Variants in NEDD4 observed in about 807,000 individuals in gnomAD.
NEDD4 encodes NEDD4 E3 ubiquitin protein ligase, also known as E3 ubiquitin-protein ligase NEDD4.
NEDD4 carries 99 observed loss-of-function variants against 144.9 expected under a neutral mutation model. That is an observed-to-expected ratio of 0.68 (90% CI 0.58 to 0.81). The LOEUF (loss-of-function observed/expected upper bound fraction) is 0.81. Ranked by LOEUF, NEDD4 falls within the 30% of genes least tolerant of loss-of-function variation. NEDD4 has a pLI of 0.00. For synonymous variants in NEDD4, 318 were observed against 350.6 expected, an observed-to-expected ratio of 0.91 and a Z score of 1.04; for missense variants, 985 against 1,065.9, an observed-to-expected ratio of 0.92 and a Z score of 1.06.
At chr15:55,950,109 T>G (rs562798224) in intron 4 of NEDD4, among the ~76,000 whole-genome samples, 34 of 152,234 alleles carry the variant, frequency 2.2e-4, no homozygotes, top group African/African-American at 8.2e-4. Flanking sequence ...AACCAGACAT[T>G]ATCAAGTCTG....
At position 55,986,042 on chromosome 15, in the gene NEDD4, C is replaced by T. The variant is rs1266595180; in HGVS notation, c.45+7469G>A. Among the ~76,000 whole-genome samples, 3 of 152,148 alleles carry T rather than the reference C, an allele frequency of 2.0e-5. No individual in the cohort carries two copies. The East Asian group carries it at 5.8e-4, about 29-fold the overall frequency. On this transcript the variant is annotated intron_variant, in intron 1 of 28. Coordinates refer to ENST00000435532, the MANE Select transcript of NEDD4 (RefSeq NM_006154.4). The stretch of plus-strand genomic sequence containing the variant: ...CCTCCTTGAAAGGGCTCCCACTGGA[C>T]AAACTGGGACAGTATGAGCAATAAA...
At chr15:55,895,355 G>A (rs1481313726) in intron 5 of NEDD4, among the ~76,000 whole-genome samples, 1 of 152,216 alleles carries the variant, frequency 6.6e-6, no homozygotes, top group African/African-American at 2.4e-5. Flanking sequence ...GACTGCTACT[G>A]TTGCAAATAT....
At chr15:55,946,534 T>A (rs1303427945) in intron 4 of NEDD4, among the ~76,000 whole-genome samples, 29 of 152,162 alleles carry the variant, frequency 1.9e-4, no homozygotes, top group Non-Finnish European at 3.8e-4. Context: ...ACAAAGAGAC[T>A]TAGACTCCCA....
At chr15:55,932,199 C>T (rs1942990106) in intron 4 of NEDD4, among the ~76,000 whole-genome samples, 1 of 152,150 alleles carries the variant, frequency 6.6e-6, no homozygotes, top group South Asian at 2.1e-4. Context: ...ATGGCTTTAC[C>T]TGCATTGCCA....
At chr15:55,858,569 A>G (rs756455566) in intron 11 of NEDD4, among the ~76,000 whole-genome samples, 1 of 152,076 alleles carries the variant, frequency 6.6e-6, no homozygotes, top group African/African-American at 2.4e-5. Context: ...AGCCTCCCAA[A>G]GTGCTGGGAT....
At chr15:55,830,458 CA>C in intron 28 of NEDD4, 55 bp downstream of exon 28, 3 of 1,476,292 alleles carry the variant, frequency 2.0e-6, no homozygotes, top group Non-Finnish European at 2.8e-6. Context: ...GCTAGACTAA[CA>C]GAGGAATCTC....
chr15:55,836,799 A>G (rs1464982535), intron 24 of NEDD4, among the ~76,000 whole-genome samples: 2 of 152,038 alleles, frequency 1.3e-5, no homozygotes, highest in Non-Finnish European at 2.9e-5. Flanking sequence ...AAGTGCTGGG[A>G]TCACAGGAAT....
intron 1 of NEDD4, among the ~76,000 whole-genome samples, chr15:55,974,132 T>G (rs556423311): frequency 2.0e-5 from 3 of 152,296 alleles, no homozygotes; most frequent in Admixed American, 1.3e-4. Context: ...TAGAGACTAC[T>G]GCGAACAACT....
chr15:55,956,666 A>G (rs2037343410), intron 2 of NEDD4, among the ~76,000 whole-genome samples: 1 of 152,142 alleles, frequency 6.6e-6, no homozygotes, highest in Non-Finnish European at 1.5e-5. Flanking sequence ...CCACTGAACA[A>G]TATATCTATT....
intron 1 of NEDD4, among the ~76,000 whole-genome samples, chr15:55,985,141 T>C (rs1440735674): frequency 6.6e-6 from 1 of 152,230 alleles, no homozygotes; most frequent in African/African-American, 2.4e-5. Context: ...TCACCCTAAA[T>C]GATTTATTTA....
chr15:55,950,447 G>A (rs878905489), intron 4 of NEDD4, among the ~76,000 whole-genome samples: 1 of 152,116 alleles, frequency 6.6e-6, no homozygotes, highest in Non-Finnish European at 1.5e-5. Context: ...ACAGAAGAAC[G>A]GCTTCTGTTT....
At chr15:55,931,662 T>C (rs1262383465) in intron 4 of NEDD4, among the ~76,000 whole-genome samples, 1 of 152,244 alleles carries the variant, frequency 6.6e-6, no homozygotes, top group Non-Finnish European at 1.5e-5. Flanking sequence ...TATATGATTC[T>C]ATTGTGTTCA....
intron 2 of NEDD4, among the ~76,000 whole-genome samples, chr15:55,962,512 T>C (rs1357602963): frequency 6.6e-6 from 1 of 152,154 alleles, no homozygotes; most frequent in Non-Finnish European, 1.5e-5. Context: ...GGCATAATCT[T>C]GGCTCACTGC....
chr15:55,991,157 A>G (rs1438487172), intron 1 of NEDD4, among the ~76,000 whole-genome samples: 2 of 152,252 alleles, frequency 1.3e-5, no homozygotes, highest in Non-Finnish European at 2.9e-5. Context: ...TTAAAATAAG[A>G]ATCCTCTCCT....
chr15:55,848,242 A>G, intron 17 of NEDD4, 130 bp downstream of exon 17: 1 of 809,642 alleles, frequency 1.2e-6, no homozygotes, highest in South Asian at 1.5e-5. Context: ...AGTATGGGAA[A>G]TGGGGGAGAG....
chr15:55,916,813 A>G (rs763526606), intron 5 of NEDD4: 84 of 1,603,602 alleles, frequency 5.2e-5, no homozygotes, highest in Non-Finnish European at 6.6e-5. Context: ...GCAAAGTGCA[A>G]TCGTAAGCTT....
chr15:55,839,973 C>CAAAAAAAAAA (rs1157411288), intron 21 of NEDD4, among the ~76,000 whole-genome samples: 6 of 12,106 alleles, frequency 5.0e-4, no homozygotes, highest in Non-Finnish European at 6.3e-4. Context: ...CACTCTGTCT[C>CAAAAAAAAAA]AAAAAAAAAA....
At chr15:55,991,096 C>G (rs1163565565) in intron 1 of NEDD4, among the ~76,000 whole-genome samples, 2 of 152,228 alleles carry the variant, frequency 1.3e-5, no homozygotes, top group African/African-American at 4.8e-5. Context: ...AATTCTTTCA[C>G]TATCTTCTAT....
chr15:55,911,591 G>A (rs2036275909), intron 5 of NEDD4, among the ~76,000 whole-genome samples: 1 of 151,182 alleles, frequency 6.6e-6, no homozygotes, highest in South Asian at 2.1e-4. Flanking sequence ...GTGCAGTGGC[G>A]CGATCTCGAC....
Sources: allele counts gnomAD v4.1 joint callset (sites outside exome capture counted in the v4.1 genomes callset), GRCh38; gene constraint gnomAD v4.1.1; transcripts MANE v1.5; gene names NCBI Gene and HGNC (gene_info 2026-07-23, HGNC 2026-07-21).